The following DUSP29 variants were observed in gnomAD, a reference collection of about 807,000 sequenced individuals.
The protein encoded by DUSP29 is atypical dual-specific protein phosphatase.
Under a neutral mutation model 13.5 loss-of-function variants are expected in DUSP29, and 12 were observed. The observed-to-expected ratio is 0.89, with a 90% CI of 0.57 to 1.44. The LOEUF is 1.44. DUSP29 is among the 40% of genes most tolerant of loss of function. The probability of loss-of-function intolerance (pLI) is 0.00; values close to 1 mark genes in which losing one functional copy is unlikely to be tolerated. For missense variants in DUSP29, 308 were observed against 301.1 expected (o/e 1.02, Z -0.17); for synonymous variants, 134 against 128.7 (o/e 1.04, Z -0.28).
intron 2 of DUSP29, among the ~76,000 whole-genome samples, chr10:75,048,905 CTGCTGGGAGCCTCCGTTTTCTTTGTT>C (rs1201371627): frequency 6.6e-6 from 1 of 152,198 alleles, no homozygotes; most frequent in Non-Finnish European, 1.5e-5. Context: ...GGTGGCAGAA[CTGCTGGGAGCCTCCGTTTTCTTTGTT>C]TGCTAAATAG....
At chr10:75,069,887 C>CAA (rs5786164) in intron 1 of DUSP29, among the ~76,000 whole-genome samples, 1 of 142,354 alleles carries the variant, frequency 7.0e-6, no homozygotes, top group Non-Finnish European at 1.5e-5. Flanking sequence ...ACTAAAAATA[C>CAA]AAAAAAAAAA....
rs1304147421 is a variant in DUSP29 at position 75,037,811 on chromosome 10, C to T, written c.*25G>A. On this transcript the variant is annotated 3_prime_UTR_variant, in exon 4 of 4. Transcript: ENST00000338487. ...TGCCTCTCCCCTCTGTCCCCAAGTGCCTCTGCTGGCCCTGTGAGTCGGGCC... is the reference window on the plus strand; with the variant it reads ...TGCCTCTCCCCTCTGTCCCCAAGTGTCTCTGCTGGCCCTGTGAGTCGGGCC... 6 of 1,586,372 alleles carry T rather than the reference C, an allele frequency of 3.8e-6. No homozygotes were observed. The Admixed American group carries it at 1.0e-4, about 27-fold the overall frequency.
chr10:75,050,862 G>T (rs1171343488), intron 2 of DUSP29, among the ~76,000 whole-genome samples: 1 of 152,230 alleles, frequency 6.6e-6, no homozygotes, highest in Non-Finnish European at 1.5e-5. Flanking sequence ...AGCCGGCAGA[G>T]TGAGCACCCT....
chr10:75,071,252 G>A (rs11001281), intron 1 of DUSP29, among the ~76,000 whole-genome samples: 49,424 of 152,210 alleles, frequency 0.32, 8,814 homozygotes, highest in East Asian at 0.66. Flanking sequence ...CAATTCTGAG[G>A]AATAAATGAT....
chr10:75,043,841 TAGA>T lies in DUSP29; in HGVS notation c.374_376del (p.Phe125del), dbSNP rs370448554. On this transcript the variant is annotated inframe_deletion, in exon 3 of 4. Coordinates refer to ENST00000338487, the MANE Select transcript of DUSP29 (RefSeq NM_001003892.3). ...TCTGTCGATGAAGGCTGCCGCCGGG[TAGA>T]AGAAGACACTGAGGTCGAAGGTGGG... 1.2e-3 allele frequency: 1,868 copies of T among 1,613,742 alleles called. 14 individuals carry two copies. In the African/African-American group the frequency reaches 0.021, roughly 18 times the overall value.
intron 1 of DUSP29, among the ~76,000 whole-genome samples, chr10:75,070,889 A>C (rs190492955): frequency 1.3e-4 from 20 of 152,330 alleles, no homozygotes; most frequent in African/African-American, 4.6e-4. Context: ...GTGAATGGTC[A>C]CCAGAAGAGG....
rs374802736 is a variant in DUSP29, at chr10:75,038,683, G to A, written c.422-606C>T. ...CCTGAATTCTGTTAAGTGGCAGAGG[G>A]GAGGGGAGAAAGAGTTGGAAGGGAG... On this transcript the variant is annotated intron_variant, in intron 3 of 3. Transcript: ENST00000338487. Among the ~76,000 whole-genome samples the A allele has an allele frequency of 4.7e-3, 720 of 151,660 alleles. 4 individuals are homozygous for A. The highest frequency in any genetic ancestry group is 7.6e-3 in the Non-Finnish European group (518 of 67,894).
At chr10:75,055,325 T>C (rs1415783937) in intron 2 of DUSP29, among the ~76,000 whole-genome samples, 1 of 152,188 alleles carries the variant, frequency 6.6e-6, no homozygotes, top group Non-Finnish European at 1.5e-5. Context: ...TAAAGTGATA[T>C]TTTGGGTCAA....
At chr10:75,067,053 G>C (rs1029717213) in intron 1 of DUSP29, among the ~76,000 whole-genome samples, 2 of 150,960 alleles carry the variant, frequency 1.3e-5, no homozygotes, top group African/African-American at 4.9e-5. Context: ...TGCCTCTTGG[G>C]TTCAAGCAAT....
intron 3 of DUSP29, among the ~76,000 whole-genome samples, chr10:75,040,398 G>A (rs925829214): frequency 3.9e-5 from 6 of 152,186 alleles, no homozygotes; most frequent in African/African-American, 1.4e-4. Context: ...CATTTGCCCT[G>A]GAGTTTCTTA....
chr10:75,042,514 T>C (rs568206698), intron 3 of DUSP29, among the ~76,000 whole-genome samples: 2 of 152,362 alleles, frequency 1.3e-5, no homozygotes, highest in South Asian at 4.1e-4. Flanking sequence ...GCACAAAAGA[T>C]GGTTCATAAA....
At chr10:75,058,645 T>G (rs1401137685) in intron 1 of DUSP29, 97 bp from the exon 2 acceptor site, 1 of 1,105,114 alleles carries the variant, frequency 9.0e-7, no homozygotes, top group African/African-American at 1.6e-5. Context: ...TATCTTAAAA[T>G]TTGGAAAGAG....
chr10:75,070,099 AAGGAAGGAAGGAAGGAAGG>A (rs1847296987), intron 1 of DUSP29, among the ~76,000 whole-genome samples: 1 of 121,634 alleles, frequency 8.2e-6, no homozygotes, highest in South Asian at 2.5e-4. Context: ...GGAAGGAAGG[AAGGAAGGAAGGAAGGAAGG>A]AAGGAAGGAA....
At chr10:75,041,072 C>T (rs148579345) in intron 3 of DUSP29, among the ~76,000 whole-genome samples, 2 of 152,272 alleles carry the variant, frequency 1.3e-5, no homozygotes, top group Non-Finnish European at 2.9e-5. Context: ...TGCTTTTTGG[C>T]CAGACTGTCT....
rs1846492953 is a variant in DUSP29, at chr10:75,037,777, G to T, written c.*59C>A. Reference sequence around the variant, plus strand: ...CCCTTCTCTGGAGTCCTAGGCCAGGGCTATGTTCTGCCTCTCCCCTCTGTC... The same window carrying T: ...CCCTTCTCTGGAGTCCTAGGCCAGGTCTATGTTCTGCCTCTCCCCTCTGTC... On this transcript the variant is annotated 3_prime_UTR_variant, in exon 4 of 4. Coordinates refer to ENST00000338487, the MANE Select transcript of DUSP29 (RefSeq NM_001003892.3). The T allele has an allele frequency of 2.6e-6, 4 of 1,551,446 alleles. No individual in the cohort carries two copies. The Admixed American group carries it at 5.3e-5, about 21-fold the overall frequency.
intron 1 of DUSP29, among the ~76,000 whole-genome samples, chr10:75,061,316 G>A (rs777529845): frequency 6.6e-6 from 1 of 152,200 alleles, no homozygotes; most frequent in Admixed American, 6.5e-5. Context: ...TCACTAGCTA[G>A]CCATGAGTGT....
chr10:75,062,012 C>T (rs551842424), intron 1 of DUSP29, among the ~76,000 whole-genome samples: 5 of 152,336 alleles, frequency 3.3e-5, no homozygotes, highest in Non-Finnish European at 5.9e-5. Flanking sequence ...TGCCCTCCCC[C>T]ACGGGTGGTC....
At chr10:75,058,269 A>G (rs763438104) in intron 2 of DUSP29, 46 bp downstream of exon 2, 4 of 1,581,412 alleles carry the variant, frequency 2.5e-6, no homozygotes, top group Non-Finnish European at 3.4e-6. Flanking sequence ...TGGCCTGGGG[A>G]GGGGCTGCTG....
chr10:75,043,804 G>C lies in DUSP29; in HGVS notation c.414C>G (p.Asp138Glu). 1 of 1,612,694 alleles carries C rather than the reference G, an allele frequency of 6.2e-7. No homozygotes were observed. Among genetic ancestry groups the C allele is most frequent in the Non-Finnish European group, 8.5e-7 (1 of 1,179,848 alleles). ...GGGCCGCGGGTCTCTTACTGTGGTCGTCGCTTAGCGCTCTGTCGATGAAGG... is the reference window on the plus strand; with the variant it reads ...GGGCCGCGGGTCTCTTACTGTGGTCCTCGCTTAGCGCTCTGTCGATGAAGG... ...AAAFIDRALSDDHSKILVHCV... is the reference protein window; with the variant it reads ...AAAFIDRALSEDHSKILVHCV... Residue 138 changes from aspartate (D) to glutamate (E), a missense_variant, in exon 3 of 4, where the codon GAC becomes GAG. By Grantham distance (45) the Asp-to-Glu change is conservative (BLOSUM62 2). Coordinates refer to ENST00000338487, the MANE Select transcript of DUSP29 (RefSeq NM_001003892.3).
Sources: gnomAD v4.1 joint callset for allele counts (sites outside exome capture counted in the v4.1 genomes callset) on GRCh38, gnomAD v4.1.1 for gene constraint, MANE v1.5 for transcripts, NCBI Gene and HGNC (gene_info 2026-07-23, HGNC 2026-07-21) for gene names.